PDZRN3: variants seen among roughly 807,000 people sequenced by gnomAD.
PDZRN3 encodes the protein E3 ubiquitin-protein ligase PDZRN3.
In PDZRN3, 38 loss-of-function variants were observed where a neutral mutation model predicts 85.7. The ratio of observed to expected loss-of-function variants is 0.44; its 90% confidence interval spans 0.34 to 0.58. PDZRN3 has a LOEUF of 0.58. PDZRN3 is among the 20% of genes least tolerant of loss of function. PDZRN3 has a pLI of 0.01. For synonymous variants in PDZRN3, 759 were observed against 638.0 expected, an observed-to-expected ratio of 1.19 and a Z score of -2.86; for missense variants, 1,629 against 1,506.4, an observed-to-expected ratio of 1.08 and a Z score of -1.35.
intron 6 of PDZRN3, among the ~76,000 whole-genome samples, chr3:73,390,495 C>A (rs1701499026): frequency 6.6e-6 from 1 of 152,112 alleles, no homozygotes; most frequent in Non-Finnish European, 1.5e-5. Context: ...TGTAAAGTTT[C>A]CATACTGAAA....
chr3:73,430,126 T>C (rs1265873989), intron 3 of PDZRN3, among the ~76,000 whole-genome samples: 2 of 152,200 alleles, frequency 1.3e-5, no homozygotes, highest in East Asian at 1.9e-4. Flanking sequence ...CCAGTCCCAC[T>C]ATAATTCCTT....
rs747504737 is a variant in PDZRN3 at position 73,383,572 on chromosome 3, G to T, written c.2994C>A (p.Ser998Arg). Residue 998 changes from serine to arginine, a missense_variant, in exon 10 of 10, where the codon AGC becomes AGA. By Grantham distance (110) the Ser-to-Arg change is moderately radical. Transcript: ENST00000263666. ...QRRRREFMMQ[S>R]RLDCLKEQQA... ...GCTGCTCCTTGAGACAATCCAACCT[G>T]CTCTGCATCATGAACTCGCGCCGCC... The T allele has an allele frequency of 3.1e-6, 5 of 1,613,958 alleles. No homozygotes were observed. The highest frequency in any genetic ancestry group is 2.7e-5 in the African/African-American group (2 of 74,900).
intron 1 of PDZRN3, among the ~76,000 whole-genome samples, chr3:73,622,366 A>C (rs1702880632): frequency 6.6e-6 from 1 of 152,200 alleles, no homozygotes; most frequent in Non-Finnish European, 1.5e-5. Context: ...GGCAAAGCAG[A>C]CACAGGCCCT....
At chr3:73,430,265 A>G (rs953582) in intron 3 of PDZRN3, among the ~76,000 whole-genome samples, 63,846 of 152,050 alleles carry the variant, frequency 0.42, 13,958 homozygotes, top group East Asian at 0.78. Context: ...TAAGTGCACA[A>G]TAAATAATGC....
At chr3:73,592,273 G>A (rs1702368288) in intron 3 of PDZRN3, among the ~76,000 whole-genome samples, 1 of 152,176 alleles carries the variant, frequency 6.6e-6, no homozygotes, top group South Asian at 2.1e-4. Context: ...AAATTAGACT[G>A]TCAATTTTGC....
intron 5 of PDZRN3, among the ~76,000 whole-genome samples, chr3:73,392,003 C>T (rs901057924): frequency 2.0e-5 from 3 of 152,196 alleles, no homozygotes; most frequent in Non-Finnish European, 2.9e-5. Context: ...GTCTTCGTGC[C>T]ACTTTATCTG....
At chr3:73,443,126 C>T (rs1702674400) in intron 3 of PDZRN3, among the ~76,000 whole-genome samples, 1 of 152,204 alleles carries the variant, frequency 6.6e-6, no homozygotes, top group Non-Finnish European at 1.5e-5. Context: ...AAAACCTCAC[C>T]TCATACCTTC....
intron 3 of PDZRN3, among the ~76,000 whole-genome samples, chr3:73,409,324 G>A (rs1701918721): frequency 6.6e-6 from 1 of 152,068 alleles, no homozygotes; most frequent in South Asian, 2.1e-4. Flanking sequence ...TAACATTGCT[G>A]TTGCTCTTCC....
At chr3:73,388,637 T>A (rs555891455) in intron 7 of PDZRN3, among the ~76,000 whole-genome samples, 1 of 152,190 alleles carries the variant, frequency 6.6e-6, no homozygotes, top group Non-Finnish European at 1.5e-5. Context: ...CTTTGAGCCC[T>A]GCTGGTCTGG....
At chr3:73,501,807 G>A (rs1356108081) in intron 3 of PDZRN3, among the ~76,000 whole-genome samples, 1 of 152,066 alleles carries the variant, frequency 6.6e-6, no homozygotes, top group Non-Finnish European at 1.5e-5. Flanking sequence ...TTGAGGTCAG[G>A]AGTTCAAGAA....
intron 5 of PDZRN3, among the ~76,000 whole-genome samples, chr3:73,400,384 T>C (rs559045831): frequency 7.9e-5 from 12 of 152,370 alleles, no homozygotes; most frequent in Non-Finnish European, 1.2e-4. Flanking sequence ...TGTAGCATCT[T>C]GAATCTTTAT....
intron 7 of PDZRN3, 54 bp downstream of exon 7, chr3:73,389,762 T>C: frequency 1.6e-6 from 2 of 1,256,888 alleles, no homozygotes; most frequent in Non-Finnish European, 2.3e-6. Flanking sequence ...TTAGAACCAG[T>C]TTGTTCTTTA....
rs1701665950 is a variant in PDZRN3 at position 73,555,196 on chromosome 3, T to G, written c.918+47158A>C. ...GATTATACCATAATCACTGACATTT[T>G]TAAGGAACATTTTGGAGCCACAACT... On this transcript the variant is annotated intron_variant, in intron 3 of 9. Coordinates refer to ENST00000263666, the MANE Select transcript of PDZRN3 (RefSeq NM_015009.3). Among the ~76,000 whole-genome samples the G allele has an allele frequency of 3.9e-5, 6 of 152,216 alleles. No individual in the cohort carries two copies. In the South Asian group the frequency reaches 1.2e-3, roughly 32 times the overall value.
chr3:73,529,586 G>A (rs1704606246), intron 3 of PDZRN3, among the ~76,000 whole-genome samples: 1 of 152,174 alleles, frequency 6.6e-6, no homozygotes, highest in African/African-American at 2.4e-5. Context: ...TCTATTATCC[G>A]CAAAGCACTT....
At chr3:73,592,947 A>G (rs1702380235) in intron 3 of PDZRN3, among the ~76,000 whole-genome samples, 5 of 152,182 alleles carry the variant, frequency 3.3e-5, no homozygotes, top group Admixed American at 3.3e-4. Flanking sequence ...ACTGCTTTGA[A>G]GCGTTCCCCT....
chr3:73,441,237 AC>A (rs1326246029), intron 3 of PDZRN3, among the ~76,000 whole-genome samples: 1 of 151,966 alleles, frequency 6.6e-6, no homozygotes, highest in Non-Finnish European at 1.5e-5. Flanking sequence ...ACATGGTGAA[AC>A]CTCGTCTCTA....
chr3:73,452,235 C>A (rs1000233731), intron 3 of PDZRN3, among the ~76,000 whole-genome samples: 2 of 152,060 alleles, frequency 1.3e-5, no homozygotes. Context: ...TGGGGCTACA[C>A]GACTCAAAGG....
chr3:73,431,812 AAAC>A (rs1702436899), intron 3 of PDZRN3, among the ~76,000 whole-genome samples: 1 of 152,196 alleles, frequency 6.6e-6, no homozygotes, highest in Non-Finnish European at 1.5e-5. Flanking sequence ...AGTAAAAAAC[AAAC>A]AACAGAATCC....
chr3:73,569,316 C>T, intron 3 of PDZRN3: 1 of 1,226,382 alleles, frequency 8.2e-7, no homozygotes, highest in Non-Finnish European at 1.0e-6. Flanking sequence ...AAAACAGCCT[C>T]AGGTGAACCA....
Sources: allele counts gnomAD v4.1 joint callset (sites outside exome capture counted in the v4.1 genomes callset), GRCh38; gene constraint gnomAD v4.1.1; transcripts MANE v1.5; gene names NCBI Gene and HGNC (gene_info 2026-07-23, HGNC 2026-07-21).